The following ZFAND3 variants were observed in gnomAD, a reference collection of about 807,000 sequenced individuals.
ZFAND3 encodes AN1-type zinc finger protein 3.
ZFAND3 carries 10 observed loss-of-function variants against 29.6 expected under a neutral mutation model. That is an observed-to-expected ratio of 0.34 (90% CI 0.21 to 0.57). The LOEUF is 0.57. Among genes scored for constraint, ZFAND3 ranks in the 20% least tolerant of loss-of-function variants. The pLI is 0.86. For synonymous variants in ZFAND3, 128 were observed against 112.6 expected, an observed-to-expected ratio of 1.14 and a Z score of -0.87; for missense variants, 230 against 304.5, an observed-to-expected ratio of 0.76 and a Z score of 1.82.
chr6:37,912,436 A>C (rs1313602660), intron 1 of ZFAND3, among the ~76,000 whole-genome samples: 1 of 152,216 alleles, frequency 6.6e-6, no homozygotes, highest in African/African-American at 2.4e-5. Flanking sequence ...AGGGCAAGAT[A>C]ATTTTCTTAA....
At chr6:37,947,515 G>A (rs1271303323) in intron 2 of ZFAND3, among the ~76,000 whole-genome samples, 2 of 151,976 alleles carry the variant, frequency 1.3e-5, no homozygotes, top group Admixed American at 6.6e-5. Flanking sequence ...CTCTTTAAAG[G>A]TATTTTATTA....
intron 2 of ZFAND3, among the ~76,000 whole-genome samples, chr6:37,992,840 A>C (rs1475890552): frequency 6.7e-6 from 1 of 150,070 alleles, no homozygotes; most frequent in South Asian, 2.1e-4. Flanking sequence ...TTTTCCTGTC[A>C]TTTTTTTTTG....
chr6:38,009,286 G>C (rs770170405), intron 2 of ZFAND3, among the ~76,000 whole-genome samples: 8 of 152,114 alleles, frequency 5.3e-5, no homozygotes, highest in African/African-American at 9.7e-5. Flanking sequence ...GAAAATACTA[G>C]GTTTCGGTAG....
intron 1 of ZFAND3, among the ~76,000 whole-genome samples, chr6:37,876,636 A>T (rs1012593439): frequency 2.0e-5 from 3 of 152,234 alleles, no homozygotes; most frequent in Non-Finnish European, 4.4e-5. Flanking sequence ...TCAGTCTTTC[A>T]TATCAATTCG....
At chr6:38,070,602 T>G (rs1764433525) in intron 3 of ZFAND3, among the ~76,000 whole-genome samples, 1 of 152,158 alleles carries the variant, frequency 6.6e-6, no homozygotes. Flanking sequence ...CTCTGGAGGT[T>G]GTTTTTAATA....
chr6:37,896,576 T>TTCTTTCTTTCTC (rs1554153880), intron 1 of ZFAND3, among the ~76,000 whole-genome samples: 1 of 138,904 alleles, frequency 7.2e-6, no homozygotes, highest in Non-Finnish European at 1.6e-5. Context: ...CTTTCTCTCT[T>TTCTTTCTTTCTC]TCTCTCTCTT....
rs1554183989 is a variant in ZFAND3 at position 38,144,210 on chromosome 6, T to TAA, written c.530-8024_530-8023dup. Among the ~76,000 whole-genome samples, 234 of 37,056 alleles carry TAA rather than the reference T, an allele frequency of 6.3e-3. 10 individuals are homozygous for TAA. The highest frequency in any genetic ancestry group is 0.021 in the African/African-American group (141 of 6,864). The allele number at this position is 37,056 out of a possible 152,430, so 24.3% of individuals were successfully genotyped here. On this transcript the variant is annotated intron_variant, in intron 5 of 5. Transcript: ENST00000287218. ...ATATATATATATATATATATATATA[T>TAA]AATATATAATATATATATATATTTT...
In ZFAND3 at chr6:38,024,013, C is replaced by G. The variant is rs577191372; in HGVS notation, c.113-37580C>G. On this transcript the variant is annotated intron_variant, in intron 2 of 5. Transcript: ENST00000287218. ...CCACTGCACACCAACCTGAACAAAACAGTGAGATACCGTCTCTTTAAATCA... is the reference window on the plus strand; with the variant it reads ...CCACTGCACACCAACCTGAACAAAAGAGTGAGATACCGTCTCTTTAAATCA... Among the ~76,000 whole-genome samples the G allele has an allele frequency of 4.6e-5, 7 of 152,200 alleles. No homozygotes were observed. In the South Asian group the frequency reaches 1.5e-3, roughly 32 times the overall value.
At chr6:38,110,879 G>C (rs866573480) in intron 4 of ZFAND3, among the ~76,000 whole-genome samples, 65 of 152,332 alleles carry the variant, frequency 4.3e-4, no homozygotes, top group African/African-American at 1.2e-3. Context: ...CACAGCCATG[G>C]TTAGTGCACG....
intron 2 of ZFAND3, among the ~76,000 whole-genome samples, chr6:38,030,364 G>A (rs952033867): frequency 7.9e-5 from 12 of 151,688 alleles, no homozygotes; most frequent in African/African-American, 2.9e-4. Context: ...AGTAAGCACT[G>A]TTTTTTTCTC....
chr6:37,962,100 A>G (rs1369944332), intron 2 of ZFAND3, among the ~76,000 whole-genome samples: 1 of 152,230 alleles, frequency 6.6e-6, no homozygotes, highest in Non-Finnish European at 1.5e-5. Context: ...GAGGAAACTC[A>G]AAGAAATTCA....
At position 37,944,024 on chromosome 6, in the gene ZFAND3, G is replaced by GT. The variant is rs575969297; in HGVS notation, c.112+14028dup. On this transcript the variant is annotated intron_variant, in intron 2 of 5. Transcript: ENST00000287218. Reference sequence around the variant, plus strand: ...GCTTTAGGATTGTATGCCTTTTTCTGTTTACTATCTCTTAATTCAGGTGCT... The same window carrying GT: ...GCTTTAGGATTGTATGCCTTTTTCTGTTTTACTATCTCTTAATTCAGGTGCT... Among the ~76,000 whole-genome samples the GT allele has an allele frequency of 4.6e-5, 7 of 152,138 alleles. No homozygotes were observed. In the South Asian group the frequency reaches 1.5e-3, roughly 32 times the overall value.
intron 2 of ZFAND3, among the ~76,000 whole-genome samples, chr6:38,016,236 G>A (rs1401206264): frequency 6.6e-6 from 1 of 152,156 alleles, no homozygotes; most frequent in Non-Finnish European, 1.5e-5. Context: ...CCTCTTAGAG[G>A]TGGGTTGTGA....
At chr6:38,143,271 G>GA (rs1433771855) in intron 5 of ZFAND3, 1 of 152,244 alleles carries the variant, frequency 6.6e-6, no homozygotes, top group Admixed American at 6.5e-5. Context: ...CAACAGTGGT[G>GA]AATTTTTTTA....
intron 4 of ZFAND3, among the ~76,000 whole-genome samples, chr6:38,113,758 A>T (rs984707190): frequency 6.6e-6 from 1 of 152,226 alleles, no homozygotes; most frequent in African/African-American, 2.4e-5. Context: ...TACCTTATGG[A>T]TAATATTGCC....
chr6:37,876,688 C>G (rs532857313), intron 1 of ZFAND3, among the ~76,000 whole-genome samples: 1 of 152,242 alleles, frequency 6.6e-6, no homozygotes, highest in East Asian at 1.9e-4. Flanking sequence ...TGGTGTGTGT[C>G]TTAGTCTGTT....
At chr6:38,114,259 T>C (rs1765374238) in intron 4 of ZFAND3, among the ~76,000 whole-genome samples, 1 of 152,264 alleles carries the variant, frequency 6.6e-6, no homozygotes, top group African/African-American at 2.4e-5. Context: ...ATTGCTGGTT[T>C]GTGTAAAAGG....
rs542074388 is a variant in ZFAND3, at chr6:38,033,621, A to G, written c.113-27972A>G. Among the ~76,000 whole-genome samples, 7 of 152,236 alleles carry G rather than the reference A, an allele frequency of 4.6e-5. No individual in the cohort carries two copies. The South Asian group carries it at 1.0e-3, about 23-fold the overall frequency. ...CACCTTTCCATTTACTCATTTCTCT[A>G]TTTGTACTGAATTTTACATGCCAAT... On this transcript the variant is annotated intron_variant, in intron 2 of 5. Transcript: ENST00000287218.
At chr6:37,876,747 C>T (rs1305327750) in intron 1 of ZFAND3, among the ~76,000 whole-genome samples, 1 of 152,170 alleles carries the variant, frequency 6.6e-6, no homozygotes, top group East Asian at 1.9e-4. Context: ...CAGTAAGCCT[C>T]TTTTGCATAT....
Sources: gnomAD v4.1 joint callset for allele counts (sites outside exome capture counted in the v4.1 genomes callset) on GRCh38, gnomAD v4.1.1 for gene constraint, MANE v1.5 for transcripts, NCBI Gene and HGNC (gene_info 2026-07-23, HGNC 2026-07-21) for gene names.